DNAH14: variants seen among roughly 807,000 people sequenced by gnomAD.
DNAH14 encodes axonemal beta dynein heavy chain 14.
DNAH14 carries 478 observed loss-of-function variants against 520.9 expected under a neutral mutation model. The observed-to-expected ratio is 0.92, with a 90% CI of 0.85 to 0.99. The LOEUF (loss-of-function observed/expected upper bound fraction) is 0.99, where lower values mean the gene tolerates loss of function less well. Ranked by LOEUF, DNAH14 falls within the 50% of genes least tolerant of loss-of-function variation. DNAH14 has a pLI of 0.00. For missense variants in DNAH14, 4,831 were observed against 5,234.5 expected, an observed-to-expected ratio of 0.92 and a Z score of 2.38; for synonymous variants, 1,581 against 1,757.2, an observed-to-expected ratio of 0.90 and a Z score of 2.51.
intron 22 of DNAH14, among the ~76,000 whole-genome samples, chr1:225,097,928 G>A (rs2075131146): frequency 6.6e-6 from 1 of 152,262 alleles, no homozygotes; most frequent in Non-Finnish European, 1.5e-5. Flanking sequence ...GCTGAGTGTG[G>A]TGGCTTATGC....
At chr1:225,337,638 CAGAG>C (rs769307952) in intron 67 of DNAH14, 142 bp downstream of exon 67, 8 of 668,436 alleles carry the variant, frequency 1.2e-5, no homozygotes, top group Non-Finnish European at 2.1e-5. Context: ...TACTTACAGA[CAGAG>C]AGTGAGTTTT....
chr1:225,168,347 C>T (rs1052587424), intron 36 of DNAH14, among the ~76,000 whole-genome samples: 5 of 152,126 alleles, frequency 3.3e-5, no homozygotes, highest in African/African-American at 7.2e-5. Context: ...CGAAGCAGGG[C>T]GAGGCATCGC....
At chr1:225,001,377 T>G (rs899458706) in intron 8 of DNAH14, among the ~76,000 whole-genome samples, 1 of 152,162 alleles carries the variant, frequency 6.6e-6, no homozygotes, top group African/African-American at 2.4e-5. Flanking sequence ...GTAATAGTCT[T>G]TTGTGATATG....
chr1:225,296,040 GATATAA>G (rs1424598633), intron 55 of DNAH14, among the ~76,000 whole-genome samples: 1 of 152,018 alleles, frequency 6.6e-6, no homozygotes. Context: ...TGTTTTACCT[GATATAA>G]ATATAGCTAC....
At chr1:225,105,630 C>T (rs960319439) in intron 23 of DNAH14, among the ~76,000 whole-genome samples, 3 of 152,168 alleles carry the variant, frequency 2.0e-5, no homozygotes, top group African/African-American at 7.2e-5. Flanking sequence ...GATCCTTTTA[C>T]CATTTTGTAA....
Position 225,360,793 on chromosome 1 carries a change from C to G in DNAH14, c.11889C>G (p.Leu3963=), listed in dbSNP as rs1430720282. 8.4e-6 allele frequency: 13 copies of G among 1,551,612 alleles called. No individual in the cohort carries two copies. The highest frequency in any genetic ancestry group is 1.0e-5 in the Non-Finnish European group (12 of 1,146,992). ...ACCAAGCAGCTAAAGCTGAAGACCT[C>G]ATTTTAAAGGCACTAACAAAAACAC... ...GRDQAAKAED[L]ILKALTKTQQ... Residue 3963 remains leucine (L), a synonymous_variant, in exon 75 of 86, where the codon CTC becomes CTG. Coordinates refer to ENST00000682510, the MANE Select transcript of DNAH14 (RefSeq NM_001367479.1).
intron 21 of DNAH14, among the ~76,000 whole-genome samples, chr1:225,093,283 C>T (rs1002856467): frequency 6.6e-6 from 1 of 152,138 alleles, no homozygotes; most frequent in South Asian, 2.1e-4. Flanking sequence ...ATCTAAGCCA[C>T]TCTGATGAAG....
chr1:225,057,953 G>T (rs894467820), intron 17 of DNAH14, among the ~76,000 whole-genome samples: 57 of 152,230 alleles, frequency 3.7e-4, no homozygotes, highest in African/African-American at 1.3e-3. Context: ...GAGGATTTTT[G>T]CATTGATGTT....
At chr1:225,260,822 A>G (rs2092911576) in intron 46 of DNAH14, among the ~76,000 whole-genome samples, 1 of 152,138 alleles carries the variant, frequency 6.6e-6, no homozygotes, top group Non-Finnish European at 1.5e-5. Flanking sequence ...TATTTCATCA[A>G]TGTTTTATAG....
chr1:224,978,687 G>A (rs2062037746), intron 8 of DNAH14, among the ~76,000 whole-genome samples: 1 of 152,154 alleles, frequency 6.6e-6, no homozygotes, highest in Admixed American at 6.5e-5. Context: ...TGCCCAGGCG[G>A]CAGTACAGTT....
chr1:225,078,844 C>A (rs1572909894), intron 17 of DNAH14, among the ~76,000 whole-genome samples: 1 of 30,402 alleles, frequency 3.3e-5, no homozygotes, highest in Non-Finnish European at 6.8e-5. Context: ...CTCTCTCTCC[C>A]TCTCTCTCTC....
Position 225,007,614 on chromosome 1 carries a change from A to G in DNAH14, c.1107+70A>G, listed in dbSNP as rs1433295704. Reference sequence around the variant, plus strand: ...AGCTGAAGCAATTGATCCAAATTGCATCCCTGGAAAAAGTATCTGAAATGG... The same window carrying G: ...AGCTGAAGCAATTGATCCAAATTGCGTCCCTGGAAAAAGTATCTGAAATGG... On this transcript the variant is annotated intron_variant, in intron 10 of 85. Coordinates refer to ENST00000682510, the MANE Select transcript of DNAH14 (RefSeq NM_001367479.1). 7.9e-6 allele frequency: 10 copies of G among 1,270,402 alleles called. No individual in the cohort carries two copies. In the East Asian group the frequency reaches 9.5e-5, roughly 12 times the overall value. 78.7% of individuals were successfully genotyped at this position (1,270,402 alleles called of 1,614,324 possible). A position where few individuals can be genotyped will look rare whatever the true frequency, so the allele number is the denominator to read the frequency against.
rs1307520136 is a variant in DNAH14 at position 225,259,257 on chromosome 1, G to A, written c.7157+4G>A. 1.4e-6 allele frequency: 2 copies of A among 1,427,114 alleles called. No individual in the cohort carries two copies. The highest frequency in any genetic ancestry group is 1.9e-6 in the Non-Finnish European group (2 of 1,080,012). 88.4% of individuals were successfully genotyped at this position (1,427,114 alleles called of 1,614,324 possible). A position where few individuals can be genotyped will look rare whatever the true frequency, so the allele number is the denominator to read the frequency against. On this transcript the variant is annotated splice_donor_region_variant and intron_variant, in intron 46 of 85. Transcript: ENST00000682510. The stretch of plus-strand genomic sequence containing the variant: ...ATAGTGAAATAAAAAAATCAAGGTT[G>A]TATATACTAACTTCTAAATTTGATT...
rs1256460057 is a variant in DNAH14 at position 225,043,003 on chromosome 1, G to A, written c.1657G>A (p.Glu553Lys). Residue 553 changes from glutamate (E) to lysine (K), a missense_variant, in exon 13 of 86, where the codon GAA becomes AAA. By Grantham distance (56) the Glu-to-Lys change is moderately conservative. Coordinates refer to ENST00000682510, the MANE Select transcript of DNAH14 (RefSeq NM_001367479.1). ...CPEECVMFED[E>K]MSENKDNCVK... ...TGAAGAGTGTGTGATGTTTGAAGATGAAATGTCAGAAAATAAAGACAATTG... is the reference window on the plus strand; with the variant it reads ...TGAAGAGTGTGTGATGTTTGAAGATAAAATGTCAGAAAATAAAGACAATTG... 10 of 1,551,798 alleles carry A rather than the reference G, an allele frequency of 6.4e-6. 1 individual carries two copies. The Admixed American group carries it at 2.0e-4, about 30-fold the overall frequency.
intron 27 of DNAH14, among the ~76,000 whole-genome samples, chr1:225,131,616 G>A (rs2078431173): frequency 6.6e-6 from 1 of 152,114 alleles, no homozygotes; most frequent in Non-Finnish European, 1.5e-5. Context: ...CATCTGAAAA[G>A]TCCTTTTTGC....
intron 26 of DNAH14, among the ~76,000 whole-genome samples, chr1:225,119,994 C>T (rs557865639): frequency 3.3e-5 from 5 of 152,180 alleles, no homozygotes; most frequent in Non-Finnish European, 5.9e-5. Flanking sequence ...AGTGGGTTCA[C>T]CTTGCCTGCT....
In DNAH14 at chr1:225,398,783, C is replaced by CA. The variant is rs2096060358; in HGVS notation, c.13638+118dup. Reference sequence around the variant, plus strand: ...TGCAAGGGAGATGTGATAATATACTCAGACAACAAAGATTTTAAATCTCCC... The same window carrying CA: ...TGCAAGGGAGATGTGATAATATACTCAAGACAACAAAGATTTTAAATCTCCC... On this transcript the variant is annotated intron_variant, in intron 85 of 85. Coordinates refer to ENST00000682510, the MANE Select transcript of DNAH14 (RefSeq NM_001367479.1). 4.4e-6 allele frequency: 6 copies of CA among 1,354,356 alleles called. No individual in the cohort carries two copies. In the Admixed American group the frequency reaches 1.4e-4, roughly 32 times the overall value. 83.9% of individuals were successfully genotyped at this position (1,354,356 alleles called of 1,614,324 possible).
intron 5 of DNAH14, 93 bp from the exon 6 acceptor site, chr1:224,967,338 C>T: frequency 1.2e-6 from 1 of 839,716 alleles, no homozygotes; most frequent in South Asian, 3.2e-5. Context: ...AAAATTGTTT[C>T]AATTTAGTGG....
intron 68 of DNAH14, among the ~76,000 whole-genome samples, chr1:225,339,550 T>C (rs528559688): frequency 6.6e-6 from 1 of 152,298 alleles, no homozygotes; most frequent in South Asian, 2.1e-4. Context: ...CCATTCTTTT[T>C]TCTTGCTAGA....
Sources: allele counts gnomAD v4.1 joint callset (sites outside exome capture counted in the v4.1 genomes callset), GRCh38; gene constraint gnomAD v4.1.1; transcripts MANE v1.5; gene names NCBI Gene and HGNC (gene_info 2026-07-23, HGNC 2026-07-21).